Variants in USP49 observed in about 807,000 individuals in gnomAD.
The protein encoded by USP49 is ubiquitin carboxyl-terminal hydrolase 49.
USP49 carries 24 observed loss-of-function variants against 58.6 expected under a neutral mutation model. That is an observed-to-expected ratio of 0.41 (90% CI 0.30 to 0.58). The LOEUF is 0.58. Among genes scored for constraint, USP49 ranks in the 20% least tolerant of loss-of-function variants. The probability of loss-of-function intolerance (pLI) is 0.30; values close to 1 mark genes in which losing one functional copy is unlikely to be tolerated. For missense variants in USP49, 703 were observed against 866.1 expected, an observed-to-expected ratio of 0.81 and a Z score of 2.36; for synonymous variants, 408 against 365.1, an observed-to-expected ratio of 1.12 and a Z score of -1.34.
intron 3 of USP49, among the ~76,000 whole-genome samples, chr6:41,860,285 AAGAG>A (rs1047183862): frequency 1.4e-5 from 2 of 147,740 alleles, no homozygotes; most frequent in Admixed American, 6.7e-5. Flanking sequence ...GAGAGAGAGA[AAGAG>A]AGAGAGAGAG....
At chr6:41,880,323 C>T (rs34718512) in intron 2 of USP49, among the ~76,000 whole-genome samples, 3,208 of 151,824 alleles carry the variant, frequency 0.021, 38 homozygotes, top group Non-Finnish European at 0.028. Flanking sequence ...ATTGAGAGTT[C>T]GAGAGGAAGA....
At chr6:41,847,996 A>G (rs1773952779) in intron 3 of USP49, among the ~76,000 whole-genome samples, 1 of 152,220 alleles carries the variant, frequency 6.6e-6, no homozygotes, top group Non-Finnish European at 1.5e-5. Flanking sequence ...TAAATTATCT[A>G]AAGTCAAAGG....
intron 3 of USP49, among the ~76,000 whole-genome samples, chr6:41,863,938 T>A (rs930933011): frequency 1.3e-5 from 2 of 151,076 alleles, no homozygotes; most frequent in African/African-American, 4.9e-5. Flanking sequence ...TTGTAATTTT[T>A]TTTTTTTTTT....
At chr6:41,885,873 A>C (rs1774701883) in intron 2 of USP49, among the ~76,000 whole-genome samples, 1 of 152,184 alleles carries the variant, frequency 6.6e-6, no homozygotes, top group South Asian at 2.1e-4. Context: ...CACTGGGCCC[A>C]ATTTGGGATT....
Position 41,889,063 on chromosome 6 carries a change from C to T in USP49, c.-103+2731G>A, listed in dbSNP as rs542899845. 9.9e-5 allele frequency among the ~76,000 whole-genome samples: 15 copies of T among 151,550 alleles called. No individual in the cohort carries two copies. The South Asian group carries it at 2.9e-3, about 29-fold the overall frequency. On this transcript the variant is annotated intron_variant, in intron 2 of 7. Transcript: ENST00000682992. ...TTTTTTTATTTTTGAGACAGAGTCT[C>T]GCTCTGTTGACGAGGCTGGAGTGCA...
At chr6:41,862,066 C>T (rs922811537) in intron 3 of USP49, among the ~76,000 whole-genome samples, 39 of 152,154 alleles carry the variant, frequency 2.6e-4, no homozygotes, top group African/African-American at 8.4e-4. Flanking sequence ...ATTTAACTAG[C>T]CCCCATGAGA....
rs1380857328 is a variant in USP49, at chr6:41,800,087, A to T, written c.1562-149T>A. 1.2e-5 allele frequency: 8 copies of T among 650,966 alleles called. No individual in the cohort carries two copies. In the Admixed American group the frequency reaches 2.1e-4, roughly 17 times the overall value. The allele number at this position is 650,966 out of a possible 1,614,324, so 40.3% of individuals were successfully genotyped here. On this transcript the variant is annotated intron_variant, in intron 5 of 7. Transcript: ENST00000682992. The stretch of plus-strand genomic sequence containing the variant: ...TGGGGGGCGCAATGTGACACTCTTT[A>T]TGACTGCATTTCCCAGCTTCACACG...
At chr6:41,887,083 A>G (rs1402382384) in intron 2 of USP49, among the ~76,000 whole-genome samples, 3 of 152,208 alleles carry the variant, frequency 2.0e-5, no homozygotes, top group African/African-American at 7.2e-5. Flanking sequence ...CTTCTTTCCC[A>G]TGTCAGAGAC....
chr6:41,843,675 A>C (rs1773868231), intron 3 of USP49, among the ~76,000 whole-genome samples: 2 of 151,948 alleles, frequency 1.3e-5, no homozygotes, highest in East Asian at 1.9e-4. Context: ...TGGGAGGCTA[A>C]GGCGGGCGGA....
chr6:41,878,904 G>A (rs1774554929), intron 2 of USP49, among the ~76,000 whole-genome samples: 2 of 152,154 alleles, frequency 1.3e-5, no homozygotes, highest in South Asian at 2.1e-4. Context: ...CACAAAGCAA[G>A]GAAGCAGCAA....
chr6:41,843,319 A>C (rs73424089), intron 3 of USP49, among the ~76,000 whole-genome samples: 1,747 of 152,332 alleles, frequency 0.011, 37 homozygotes, highest in African/African-American at 0.04. Context: ...ATTAAATTAT[A>C]TACTTTTACG....
At chr6:41,869,676 C>A (rs1466846776) in intron 3 of USP49, 1 of 147,628 alleles carries the variant, frequency 6.8e-6, no homozygotes, top group African/African-American at 2.5e-5. Flanking sequence ...CACCACTGCA[C>A]ACCAATCTGG....
chr6:41,807,603 G>A (rs564217953), intron 3 of USP49, among the ~76,000 whole-genome samples: 3 of 151,970 alleles, frequency 2.0e-5, no homozygotes, highest in African/African-American at 7.2e-5. Context: ...CACCACACCC[G>A]GCTAATTTTT....
intron 3 of USP49, among the ~76,000 whole-genome samples, chr6:41,864,088 G>C (rs1170719140): frequency 2.0e-5 from 3 of 151,894 alleles, no homozygotes; most frequent in Non-Finnish European, 4.4e-5. Context: ...GAATTTGATG[G>C]GATTTTTAAA....
intron 3 of USP49, among the ~76,000 whole-genome samples, chr6:41,828,208 G>A (rs757285153): frequency 2.6e-5 from 4 of 152,014 alleles, no homozygotes; most frequent in Non-Finnish European, 5.9e-5. Context: ...ACTTTGGGAG[G>A]CCGAGGCGGG....
At chr6:41,804,157 A>G in intron 4 of USP49, 147 bp from the exon 5 acceptor site, 1 of 693,560 alleles carries the variant, frequency 1.4e-6, no homozygotes, top group South Asian at 2.2e-5. Flanking sequence ...CATAACTTTA[A>G]AAGAATTAGA....
intron 7 of USP49, among the ~76,000 whole-genome samples, chr6:41,797,031 G>C (rs1358085097): frequency 6.8e-6 from 1 of 147,350 alleles, no homozygotes; most frequent in Non-Finnish European, 1.5e-5. Flanking sequence ...CTCACTGCAA[G>C]CTCCACCTCC....
chr6:41,827,710 C>T (rs891690415), intron 3 of USP49, among the ~76,000 whole-genome samples: 6 of 150,626 alleles, frequency 4.0e-5, no homozygotes, highest in Admixed American at 2.0e-4. Flanking sequence ...TGCCTGGGTC[C>T]GGATACTTTT....
chr6:41,847,256 T>G (rs1180183655), intron 3 of USP49, among the ~76,000 whole-genome samples: 1 of 152,168 alleles, frequency 6.6e-6, no homozygotes, highest in Non-Finnish European at 1.5e-5. Context: ...AGATGCTCAA[T>G]GAGCTAGAAC....
Sources: gnomAD v4.1 joint callset for allele counts (sites outside exome capture counted in the v4.1 genomes callset) on GRCh38, gnomAD v4.1.1 for gene constraint, MANE v1.5 for transcripts, NCBI Gene and HGNC (gene_info 2026-07-23, HGNC 2026-07-21) for gene names.